Variants in PRDM5 observed in about 807,000 individuals in gnomAD.
The protein encoded by PRDM5 is PR/SET domain 5, also known as PR domain zinc finger protein 5.
Under a neutral mutation model 81.2 loss-of-function variants are expected in PRDM5, and 56 were observed. The ratio of observed to expected loss-of-function variants is 0.69; its 90% CI spans 0.56 to 0.86. PRDM5 has a LOEUF of 0.86. PRDM5 is among the 40% of genes least tolerant of loss of function. The pLI, the probability that PRDM5 is intolerant of heterozygous loss-of-function variation, is 0.00. For missense variants in PRDM5, 697 were observed against 770.1 expected (o/e 0.91, Z 1.12); for synonymous variants, 267 against 256.4 (o/e 1.04, Z -0.39).
intron 14 of PRDM5, among the ~76,000 whole-genome samples, chr4:120,712,146 C>G (rs899435662): frequency 2.0e-5 from 3 of 151,874 alleles, no homozygotes; most frequent in African/African-American, 7.3e-5. Flanking sequence ...GTTAGCTGGG[C>G]ATGGTGGCGG....
At chr4:120,746,385 T>G (rs926441974) in intron 14 of PRDM5, among the ~76,000 whole-genome samples, 3 of 146,730 alleles carry the variant, frequency 2.0e-5, no homozygotes, top group Non-Finnish European at 4.5e-5. Context: ...AAGGACTTCA[T>G]GTCTAAAACA....
chr4:120,722,329 G>A (rs1738745129), intron 14 of PRDM5, among the ~76,000 whole-genome samples: 1 of 151,962 alleles, frequency 6.6e-6, no homozygotes, highest in African/African-American at 2.4e-5. Context: ...AAAAAATAAG[G>A]CACTTGTAAT....
intron 11 of PRDM5, among the ~76,000 whole-genome samples, chr4:120,784,361 G>A (rs1249454739): frequency 5.3e-5 from 8 of 152,214 alleles, no homozygotes; most frequent in South Asian, 4.2e-4. Context: ...AGTAGGAAAC[G>A]CACCTCATGG....
At position 120,801,650 on chromosome 4, in the gene PRDM5, A is replaced by G. The variant is rs540273474; in HGVS notation, c.946-1905T>C. Among the ~76,000 whole-genome samples the G allele has an allele frequency of 3.4e-3, 516 of 152,338 alleles. 2 individuals carry two copies. Among genetic ancestry groups the G allele is most frequent in the African/African-American group, 0.011 (473 of 41,592 alleles). On this transcript the variant is annotated intron_variant, in intron 8 of 15. Transcript: ENST00000264808. ...AATCCAAAGAGTTCCTTTAGAAAGC[A>G]TGTGGGATCTGTATGACTGCCTGCA...
chr4:120,789,078 C>T (rs1327337411), intron 10 of PRDM5, among the ~76,000 whole-genome samples: 1 of 152,120 alleles, frequency 6.6e-6, no homozygotes, highest in African/African-American at 2.4e-5. Context: ...CTTAATAACC[C>T]TATGATGTTC....
At chr4:120,918,031 T>C (rs1561727132) in intron 1 of PRDM5, among the ~76,000 whole-genome samples, 1 of 152,202 alleles carries the variant, frequency 6.6e-6, no homozygotes, top group South Asian at 2.1e-4. Context: ...GTGTAAAGCA[T>C]CTAGTGACTG....
chr4:120,849,236 T>C (rs972905510), intron 3 of PRDM5, among the ~76,000 whole-genome samples: 6 of 152,104 alleles, frequency 3.9e-5, no homozygotes, highest in Non-Finnish European at 7.4e-5. Flanking sequence ...CAAAGTTGCT[T>C]CTCTCTTTAG....
intron 14 of PRDM5, among the ~76,000 whole-genome samples, chr4:120,730,303 T>C (rs1313872069): frequency 6.6e-6 from 1 of 152,226 alleles, no homozygotes; most frequent in African/African-American, 2.4e-5. Context: ...TTTTACGTAT[T>C]ATATTAACCT....
rs544286780 is a variant in PRDM5 at position 120,719,697 on chromosome 4, G to T, written c.1624-9284C>A. The stretch of plus-strand genomic sequence containing the variant: ...TCAAGTTTTATGGCTAGGGTAGTGA[G>T]GAAGTTATAAATGGAAAAAAAAATT... On this transcript the variant is annotated intron_variant, in intron 14 of 15. Transcript: ENST00000264808. 3.0e-4 allele frequency among the ~76,000 whole-genome samples: 45 copies of T among 152,188 alleles called. No homozygotes were observed. The East Asian group carries it at 5.6e-3, about 19-fold the overall frequency.
At chr4:120,850,498 C>A (rs116045696) in intron 3 of PRDM5, among the ~76,000 whole-genome samples, 1 of 152,252 alleles carries the variant, frequency 6.6e-6, no homozygotes, top group South Asian at 2.1e-4. Flanking sequence ...GATGTTACCT[C>A]AAGGGAGCTA....
chr4:120,801,455 C>T (rs943648176), intron 8 of PRDM5, among the ~76,000 whole-genome samples: 3 of 152,210 alleles, frequency 2.0e-5, no homozygotes, highest in Non-Finnish European at 2.9e-5. Context: ...TTGAAGGTTG[C>T]CAACCAGCCT....
chr4:120,706,543 A>T (rs1736175692), intron 15 of PRDM5, among the ~76,000 whole-genome samples: 1 of 152,030 alleles, frequency 6.6e-6, no homozygotes. Flanking sequence ...TCCTATAGGC[A>T]GTTGAAAATA....
chr4:120,854,490 T>A (rs926757205), intron 2 of PRDM5, among the ~76,000 whole-genome samples: 5 of 152,082 alleles, frequency 3.3e-5, no homozygotes, highest in African/African-American at 1.2e-4. Context: ...ATTCTAGATT[T>A]CCAAAATTTT....
chr4:120,721,661 A>C (rs765691624), intron 14 of PRDM5, among the ~76,000 whole-genome samples: 1 of 152,208 alleles, frequency 6.6e-6, no homozygotes, highest in Non-Finnish European at 1.5e-5. Flanking sequence ...CAAATTTGCT[A>C]TGGTTATTCT....
intron 3 of PRDM5, chr4:120,839,234 CT>C (rs1561447863): frequency 1.4e-6 from 1 of 703,074 alleles, no homozygotes; most frequent in South Asian, 1.5e-5. Flanking sequence ...TGTGTTACAG[CT>C]CTTTTAGCCT....
Position 120,811,779 on chromosome 4 carries a change from C to T in PRDM5, c.866-330G>A, listed in dbSNP as rs1017829460. Among the ~76,000 whole-genome samples the T allele has an allele frequency of 4.6e-5, 7 of 151,868 alleles. No individual in the cohort carries two copies. The East Asian group carries it at 5.8e-4, about 13-fold the overall frequency. On this transcript the variant is annotated intron_variant, in intron 7 of 15. Coordinates refer to ENST00000264808, the MANE Select transcript of PRDM5 (RefSeq NM_018699.4). The stretch of plus-strand genomic sequence containing the variant: ...TACATAATAGGTGTTATGTATTTTT[C>T]GGGTACATGTGATGTTTCAATATAG...
intron 14 of PRDM5, among the ~76,000 whole-genome samples, chr4:120,753,802 G>T (rs1479101748): frequency 6.6e-6 from 1 of 152,122 alleles, no homozygotes; most frequent in Non-Finnish European, 1.5e-5. Context: ...AAGTTGTATA[G>T]AGCAAAATCA....
At chr4:120,781,106 C>G in intron 12 of PRDM5, 37 bp downstream of exon 12, 1 of 1,572,068 alleles carries the variant, frequency 6.4e-7, no homozygotes. Flanking sequence ...TGCTTAAACA[C>G]GTAATCTGTT....
intron 14 of PRDM5, among the ~76,000 whole-genome samples, chr4:120,746,185 G>C: frequency 2.1e-5 from 1 of 47,486 alleles, no homozygotes; most frequent in Non-Finnish European, 4.2e-5. Context: ...AATGGGGAAA[G>C]GATTCCCTAT....
Sources: gnomAD v4.1 joint callset for allele counts (sites outside exome capture counted in the v4.1 genomes callset) on GRCh38, gnomAD v4.1.1 for gene constraint, MANE v1.5 for transcripts, NCBI Gene and HGNC (gene_info 2026-07-23, HGNC 2026-07-21) for gene names.